SHROOM3: variants seen among roughly 807,000 people sequenced by gnomAD.
The protein encoded by SHROOM3 is protein Shroom3.
Under a neutral mutation model 138.6 loss-of-function variants are expected in SHROOM3, and 47 were observed. That is an observed-to-expected ratio of 0.34 (90% CI 0.27 to 0.43). The LOEUF (loss-of-function observed/expected upper bound fraction) is 0.43, where lower values mean the gene tolerates loss of function less well. Ranked by LOEUF, SHROOM3 falls within the 20% of genes least tolerant of loss-of-function variation. SHROOM3 has a pLI of 1.00. For missense variants in SHROOM3, 2,491 were observed against 2,596.5 expected (o/e 0.96, Z 0.88); for synonymous variants, 1,062 against 1,063.3 (o/e 1.00, Z 0.02).
intron 10 of SHROOM3, among the ~76,000 whole-genome samples, chr4:76,771,842 T>C (rs1409657922): frequency 6.6e-6 from 1 of 152,190 alleles, no homozygotes; most frequent in African/African-American, 2.4e-5. Context: ...GCATTCTTCA[T>C]CCACTCCTCT....
At chr4:76,753,688 A>G (rs1460284770) in intron 6 of SHROOM3, among the ~76,000 whole-genome samples, 1 of 152,186 alleles carries the variant, frequency 6.6e-6, no homozygotes, top group Non-Finnish European at 1.5e-5. Context: ...ACCATGTACT[A>G]TATTTGCTTA....
Position 76,700,764 on chromosome 4 carries a change from C to T in SHROOM3, c.324-9392C>T, listed in dbSNP as rs554521444. On this transcript the variant is annotated intron_variant, in intron 2 of 10. Coordinates refer to ENST00000296043, the MANE Select transcript of SHROOM3 (RefSeq NM_020859.4). ...TCAGCATGAAATATCTTTTTTTTTT[C>T]TTTCTTTCTTTCTTTTATTTATTTA... Among the ~76,000 whole-genome samples, 681 of 144,988 alleles carry T rather than the reference C, an allele frequency of 4.7e-3. 4 individuals are homozygous for T. The highest frequency in any genetic ancestry group is 8.1e-3 in the Admixed American group (119 of 14,682).
At chr4:76,441,585 C>T (rs945565375) in intron 1 of SHROOM3, among the ~76,000 whole-genome samples, 7 of 152,176 alleles carry the variant, frequency 4.6e-5, no homozygotes, top group African/African-American at 1.4e-4. Context: ...TTTGCCCTTC[C>T]TACTAGGGTA....
chr4:76,612,716 A>T (rs1734788822), intron 2 of SHROOM3, among the ~76,000 whole-genome samples: 1 of 152,126 alleles, frequency 6.6e-6, no homozygotes, highest in Non-Finnish European at 1.5e-5. Context: ...AAGTAGGAGG[A>T]TCCATTCAGC....
At chr4:76,751,803 A>G (rs375117982) in intron 6 of SHROOM3, among the ~76,000 whole-genome samples, 5 of 152,234 alleles carry the variant, frequency 3.3e-5, no homozygotes, top group East Asian at 3.8e-4. Context: ...TAAAAAAACG[A>G]AAAACAACCA....
At chr4:76,609,013 G>A (rs967893051) in intron 2 of SHROOM3, among the ~76,000 whole-genome samples, 12 of 151,956 alleles carry the variant, frequency 7.9e-5, no homozygotes, top group African/African-American at 2.9e-4. Flanking sequence ...AAAACTTAGG[G>A]GTATAGGAGA....
chr4:76,603,481 C>T (rs1190322708), intron 2 of SHROOM3, among the ~76,000 whole-genome samples: 1 of 152,132 alleles, frequency 6.6e-6, no homozygotes, highest in Admixed American at 6.5e-5. Flanking sequence ...TTGCAACTAA[C>T]AGGACATCTA....
At chr4:76,579,128 G>C (rs1447321688) in intron 2 of SHROOM3, among the ~76,000 whole-genome samples, 1 of 152,136 alleles carries the variant, frequency 6.6e-6, no homozygotes, top group East Asian at 1.9e-4. Flanking sequence ...TGCATGAGTC[G>C]AGGTTGTGCC....
At chr4:76,541,132 C>T (rs1456419160) in intron 1 of SHROOM3, among the ~76,000 whole-genome samples, 2 of 152,164 alleles carry the variant, frequency 1.3e-5, no homozygotes, top group East Asian at 1.9e-4. Flanking sequence ...CCTATATGTA[C>T]GTTATAATAG....
chr4:76,741,665 G>A lies in SHROOM3; in HGVS notation c.3492G>A (p.Gln1164=), dbSNP rs765538606. 2.5e-4 allele frequency: 381 copies of A among 1,549,734 alleles called. No homozygotes were observed. Among genetic ancestry groups the A allele is most frequent in the Non-Finnish European group, 3.0e-4 (346 of 1,151,408 alleles). ...TGCCGGCCACAGTTGCAGAAACCCA[G>A]CAGGCTCCCCGAGATCGCAGCAGCT... ...TLLPATVAET[Q]QAPRDRSSSF... is the part of the protein sequence containing the mutation. Residue 1164 remains glutamine (Q), a synonymous_variant, in exon 5 of 11, where the codon CAG becomes CAA. Transcript: ENST00000296043. The surrounding 1 kb of genome is among the most constrained non-coding windows in gnomAD (Gnocchi z 6.2).
intron 2 of SHROOM3, among the ~76,000 whole-genome samples, chr4:76,562,287 C>A (rs1214340784): frequency 2.0e-5 from 3 of 152,252 alleles, no homozygotes; most frequent in East Asian, 1.9e-4. Flanking sequence ...TGGGCCCACA[C>A]TCCCCCGAAT....
At chr4:76,586,076 CGGAGTCGGCGTGCCAGCGCGGT>C (rs1261123027) in intron 2 of SHROOM3, 2 of 192,814 alleles carry the variant, frequency 1.0e-5, no homozygotes, top group Non-Finnish European at 1.9e-5. Flanking sequence ...GAATGCACGC[CGGAGTCGGCGTGCCAGCGCGGT>C]GGAAACCGGT....
Position 76,740,404 on chromosome 4 carries a change from A to G in SHROOM3, c.2231A>G (p.Glu744Gly), listed in dbSNP as rs985221730. The change falls in exon 5 of 11, where the codon GAG (glutamate) becomes GGG (glycine). Residue 744 changes from glutamate (E) to glycine (G), a missense_variant. By Grantham distance (98) the Glu-to-Gly change is moderately conservative. Around this residue, in one of 4 missense-constraint regions of SHROOM3, gnomAD observed 1,733 missense variants for 1,661.6 expected, o/e 1.04. Coordinates refer to ENST00000296043, the MANE Select transcript of SHROOM3 (RefSeq NM_020859.4). The surrounding 1 kb of genome is among the most constrained non-coding windows in gnomAD (Gnocchi z 4.0). ...SFNSTDPSPE[E>G]PPAPSHPHTS... is the part of the protein sequence containing the mutation. ...AACAGCACAGACCCAAGTCCCGAAG[A>G]GCCGCCTGCCCCCTCGCACCCGCAC... 5 of 1,613,036 alleles carry G rather than the reference A, an allele frequency of 3.1e-6. No individual in the cohort carries two copies. The highest frequency in any genetic ancestry group is 4.2e-6 in the Non-Finnish European group (5 of 1,179,924).
intron 1 of SHROOM3, among the ~76,000 whole-genome samples, chr4:76,534,482 C>A (rs1281991141): frequency 6.6e-6 from 1 of 151,978 alleles, no homozygotes; most frequent in Non-Finnish European, 1.5e-5. Flanking sequence ...ACATCTGATG[C>A]AAAGCAGTTG....
intron 1 of SHROOM3, among the ~76,000 whole-genome samples, chr4:76,510,864 C>T (rs1732319946): frequency 1.3e-5 from 2 of 152,126 alleles, no homozygotes; most frequent in African/African-American, 4.8e-5. Flanking sequence ...TAGAGAATTT[C>T]TAAGATCTCT....
chr4:76,728,404 T>C (rs1445813982), intron 3 of SHROOM3, among the ~76,000 whole-genome samples: 2 of 152,194 alleles, frequency 1.3e-5, no homozygotes, highest in African/African-American at 2.4e-5. Flanking sequence ...ATGCTCTCTC[T>C]CTCTTTGCCT....
At chr4:76,742,389 C>T (rs755803089) in intron 5 of SHROOM3, among the ~76,000 whole-genome samples, 3 of 151,910 alleles carry the variant, frequency 2.0e-5, no homozygotes, top group African/African-American at 4.8e-5. Flanking sequence ...TTATTGAATT[C>T]CTGGCCCTCA....
intron 2 of SHROOM3, among the ~76,000 whole-genome samples, chr4:76,614,369 T>C (rs1446161457): frequency 6.6e-6 from 1 of 152,168 alleles, no homozygotes; most frequent in African/African-American, 2.4e-5. Flanking sequence ...TGGCCCTTTT[T>C]TCAAGAACAC....
chr4:76,490,936 T>C (rs1292210877), intron 1 of SHROOM3, among the ~76,000 whole-genome samples: 1 of 152,188 alleles, frequency 6.6e-6, no homozygotes, highest in Admixed American at 6.5e-5. Flanking sequence ...TCTTAACCAC[T>C]GGAGCCCATT....
Sources: gnomAD v4.1 joint callset for allele counts (sites outside exome capture counted in the v4.1 genomes callset) on GRCh38, gnomAD v4.1.1 for gene constraint, gnomAD v4.1.1 regional missense constraint, Gnocchi (gnomAD v3.1) non-coding constraint, MANE v1.5 for transcripts, NCBI Gene and HGNC (gene_info 2026-07-23, HGNC 2026-07-21) for gene names.